Variants in KCMF1 observed in about 807,000 individuals in gnomAD.
The protein encoded by KCMF1 is potassium channel modulatory factor 1.
Under a neutral mutation model 41.1 loss-of-function variants are expected in KCMF1, and 3 were observed. The observed-to-expected ratio is 0.07, with a 90% CI of 0.03 to 0.19. The LOEUF (loss-of-function observed/expected upper bound fraction) is 0.19. Among genes scored for constraint, KCMF1 ranks in the 10% least tolerant of loss-of-function variants. The pLI, the probability that KCMF1 is intolerant of heterozygous loss-of-function variation, is 1.00. For synonymous variants in KCMF1, 142 were observed against 164.5 expected (o/e 0.86, Z 1.04); for missense variants, 286 against 488.9 (o/e 0.58, Z 3.91).
At chr2:85,034,647 A>G (rs183878964) in intron 2 of KCMF1, among the ~76,000 whole-genome samples, 3 of 152,166 alleles carry the variant, frequency 2.0e-5, no homozygotes, top group South Asian at 2.1e-4. Flanking sequence ...ACGTTGTTGA[A>G]TATTTTAGGC....
chr2:84,988,216 G>A (rs1490420811), intron 1 of KCMF1, among the ~76,000 whole-genome samples: 2 of 151,436 alleles, frequency 1.3e-5, no homozygotes, highest in Admixed American at 1.3e-4. Flanking sequence ...TGGGCAACAA[G>A]AGTGAAACTC....
At chr2:85,034,913 C>A in intron 2 of KCMF1, 103 bp from the exon 3 acceptor site, 1 of 1,000,030 alleles carries the variant, frequency 1.0e-6, no homozygotes, top group Non-Finnish European at 1.4e-6. Context: ...TGAACCACTG[C>A]TCCTGGCCCA....
At chr2:84,986,717 G>GA (rs80299863) in intron 1 of KCMF1, among the ~76,000 whole-genome samples, 3,406 of 133,020 alleles carry the variant, frequency 0.026, 38 homozygotes, top group South Asian at 0.065. Flanking sequence ...CTGTACTTAA[G>GA]AAAAAAAAAA....
At chr2:84,984,293 G>A (rs529484763) in intron 1 of KCMF1, among the ~76,000 whole-genome samples, 1 of 152,008 alleles carries the variant, frequency 6.6e-6, no homozygotes, top group East Asian at 1.9e-4. Context: ...TAGGGATGGG[G>A]TCTTGCTGTG....
At chr2:84,984,540 G>T (rs1359017062) in intron 1 of KCMF1, among the ~76,000 whole-genome samples, 4 of 151,970 alleles carry the variant, frequency 2.6e-5, no homozygotes, top group South Asian at 2.1e-4. Flanking sequence ...CTTAGCAGAG[G>T]CTGGGTACGG....
In KCMF1 at chr2:85,028,106, G is replaced by A. The variant is rs569555908; in HGVS notation, c.184+50G>A. 6.3e-4 allele frequency: 786 copies of A among 1,244,318 alleles called. 12 individuals are homozygous for A. In the South Asian group the frequency reaches 0.01, roughly 16 times the overall value. The allele number at this position is 1,244,318 out of a possible 1,614,324, so 77.1% of individuals were successfully genotyped here. A position where few individuals can be genotyped will look rare whatever the true frequency, so the allele number is the denominator to read the frequency against. ...TTACATCATTTAGAATTTTATGTAC[G>A]TTGAAGAAGTAAAGGCAAAGTGTTC... is the stretch of plus-strand genomic sequence containing the variant. On this transcript the variant is annotated intron_variant, in intron 2 of 6. Transcript: ENST00000409785.
At position 85,053,200 on chromosome 2, in the gene KCMF1, C is replaced by T. The variant is rs779580766; in HGVS notation, c.937C>T (p.Arg313Cys). ...ETERQSMESE[R>C]ADRSLFVQEL... ...GGAGCGCCAGTCCATGGAAAGCGAG[C>T]GTGCAGACCGCAGCCTGTTTGTCCA... is the stretch of plus-strand genomic sequence containing the variant. The change falls in exon 7 of 7, where the codon CGT (arginine) becomes TGT (cysteine). Residue 313 changes from arginine (R) to cysteine (C), a missense_variant. Arg to Cys is a radical substitution (Grantham distance 180). Around this residue, in one of 2 missense-constraint regions of KCMF1, gnomAD observed 191 missense variants for 279.3 expected, o/e 0.68. Coordinates refer to ENST00000409785, the MANE Select transcript of KCMF1 (RefSeq NM_020122.5). The T allele has an allele frequency of 1.3e-5, 21 of 1,613,768 alleles. No homozygotes were observed. The South Asian group carries it at 1.5e-4, about 12-fold the overall frequency.
At chr2:84,998,976 GTCTA>G (rs1210844948) in intron 1 of KCMF1, among the ~76,000 whole-genome samples, 19 of 110,088 alleles carry the variant, frequency 1.7e-4, no homozygotes, top group Admixed American at 6.7e-4. Context: ...CTGTCTGTCT[GTCTA>G]TCTACCTACC....
chr2:84,990,986 C>T (rs1674028247), intron 1 of KCMF1, among the ~76,000 whole-genome samples: 1 of 152,152 alleles, frequency 6.6e-6, no homozygotes, highest in Non-Finnish European at 1.5e-5. Context: ...TGTTCGAGAT[C>T]ATTCTAGCTG....
chr2:85,012,729 TATTA>T (rs1287917381), intron 1 of KCMF1, among the ~76,000 whole-genome samples: 2 of 152,238 alleles, frequency 1.3e-5, no homozygotes. Flanking sequence ...CTATACTTTG[TATTA>T]ATTATTCCTA....
intron 1 of KCMF1, among the ~76,000 whole-genome samples, chr2:84,990,687 A>C (rs1674020765): frequency 6.6e-6 from 1 of 151,868 alleles, no homozygotes; most frequent in Non-Finnish European, 1.5e-5. Flanking sequence ...TGGAAGTCAG[A>C]TGATTGGTGT....
chr2:85,041,167 T>C (rs189224721), intron 3 of KCMF1, among the ~76,000 whole-genome samples: 3 of 152,312 alleles, frequency 2.0e-5, no homozygotes, highest in African/African-American at 7.2e-5. Context: ...GAAGTTTGGT[T>C]GGTTGATTGG....
chr2:84,979,488 A>G (rs1396861341), intron 1 of KCMF1, among the ~76,000 whole-genome samples: 1 of 148,984 alleles, frequency 6.7e-6, no homozygotes, highest in Non-Finnish European at 1.5e-5. Context: ...CACCCATTGC[A>G]CTCCAGCCTG....
chr2:85,039,027 T>C (rs1339238699), intron 3 of KCMF1, among the ~76,000 whole-genome samples: 1 of 152,222 alleles, frequency 6.6e-6, no homozygotes, highest in Non-Finnish European at 1.5e-5. Flanking sequence ...GCCCCAATTT[T>C]GGCCCCAGTT....
chr2:84,985,009 G>A (rs190410531), intron 1 of KCMF1, among the ~76,000 whole-genome samples: 11 of 152,206 alleles, frequency 7.2e-5, no homozygotes, highest in Admixed American at 6.5e-4. Context: ...TTTAGATAGG[G>A]TGGTCAGGAA....
At chr2:85,018,300 C>A (rs1674836152) in intron 1 of KCMF1, among the ~76,000 whole-genome samples, 1 of 137,532 alleles carries the variant, frequency 7.3e-6, no homozygotes, top group Non-Finnish European at 1.5e-5. Context: ...GAGACGGAGT[C>A]CCGCTCTGTC....
chr2:85,001,714 A>G (rs371490438), intron 1 of KCMF1, among the ~76,000 whole-genome samples: 25 of 152,298 alleles, frequency 1.6e-4, no homozygotes, highest in African/African-American at 6.0e-4. Flanking sequence ...TGAGAGTGAT[A>G]GTGACTAAAT....
intron 1 of KCMF1, among the ~76,000 whole-genome samples, chr2:84,979,523 A>T (rs1000621092): frequency 2.1e-3 from 3 of 1,438 alleles, no homozygotes; most frequent in African/African-American, 2.3e-3. Context: ...AATTCTGTCT[A>T]AAAAAAAAAA....
chr2:85,014,730 T>C lies in KCMF1; in HGVS notation c.17-13159T>C, dbSNP rs867222436. ...GCGCGTGCGTGCGTGCGTGCGTGTG[T>C]GTGTGTGTGTGTGTGTGTTTTTAAA... On this transcript the variant is annotated intron_variant, in intron 1 of 6. Coordinates refer to ENST00000409785, the MANE Select transcript of KCMF1 (RefSeq NM_020122.5). 6.1e-3 allele frequency among the ~76,000 whole-genome samples: 913 copies of C among 150,652 alleles called. 10 individuals carry two copies. The highest frequency in any genetic ancestry group is 0.021 in the African/African-American group (840 of 40,880).
Sources: gnomAD v4.1 joint callset for allele counts (sites outside exome capture counted in the v4.1 genomes callset) on GRCh38, gnomAD v4.1.1 for gene constraint, gnomAD v4.1.1 regional missense constraint, MANE v1.5 for transcripts, NCBI Gene and HGNC (gene_info 2026-07-23, HGNC 2026-07-21) for gene names.